The following CUX1 variants were observed in gnomAD, a reference collection of about 807,000 sequenced individuals.
CUX1 encodes protein CASP.
Under a neutral mutation model 158.8 loss-of-function variants are expected in CUX1, and 31 were observed. That is an observed-to-expected ratio of 0.20 (90% CI 0.15 to 0.26). The LOEUF is 0.26. Among genes scored for constraint, CUX1 ranks in the 10% least tolerant of loss-of-function variants. The probability of loss-of-function intolerance (pLI) is 1.00; values close to 1 mark genes in which losing one functional copy is unlikely to be tolerated. For synonymous variants in CUX1, 879 were observed against 862.1 expected, an observed-to-expected ratio of 1.02 and a Z score of -0.34; for missense variants, 1,589 against 2,014.6, an observed-to-expected ratio of 0.79 and a Z score of 4.04.
intron 7 of CUX1, among the ~76,000 whole-genome samples, chr7:102,114,061 A>T (rs903967386): frequency 2.0e-5 from 3 of 152,176 alleles, no homozygotes; most frequent in African/African-American, 7.2e-5. Context: ...ACTTCCAGGT[A>T]TCCTGATGAG....
chr7:102,090,366 C>CA (rs1563227059), intron 4 of CUX1, among the ~76,000 whole-genome samples: 10 of 150,330 alleles, frequency 6.7e-5, no homozygotes, highest in Admixed American at 6.6e-5. Flanking sequence ...TCCATGATAC[C>CA]GTTTTTTTTT....
At chr7:102,232,156 TTTTC>T (rs1315133168) in intron 21 of CUX1, among the ~76,000 whole-genome samples, 1 of 152,120 alleles carries the variant, frequency 6.6e-6, no homozygotes, top group Non-Finnish European at 1.5e-5. Context: ...TTGTTTTGTT[TTTTC>T]TTTTTCTTTT....
intron 20 of CUX1, among the ~76,000 whole-genome samples, chr7:102,210,762 C>G (rs138429310): frequency 1.2e-4 from 18 of 152,312 alleles, no homozygotes; most frequent in African/African-American, 4.3e-4. Flanking sequence ...GAGAAGACAG[C>G]TGCTATGGTC....
chr7:102,236,553 G>C (rs782000141), intron 22 of CUX1, among the ~76,000 whole-genome samples: 1 of 152,204 alleles, frequency 6.6e-6, no homozygotes, highest in Admixed American at 6.5e-5. Context: ...TGGGATTACA[G>C]GCATGAGCCA....
chr7:102,058,119 C>T (rs1353056858), intron 3 of CUX1, among the ~76,000 whole-genome samples: 1 of 152,068 alleles, frequency 6.6e-6, no homozygotes, highest in Non-Finnish European at 1.5e-5. Flanking sequence ...CATATTTTGG[C>T]AATAAAGCAT....
chr7:102,060,506 G>T (rs1325626293), intron 3 of CUX1, among the ~76,000 whole-genome samples: 2 of 150,364 alleles, frequency 1.3e-5, no homozygotes, highest in African/African-American at 4.9e-5. Context: ...GCTCAACAAG[G>T]AGGGAGTTAC....
intron 8 of CUX1, among the ~76,000 whole-genome samples, chr7:102,126,749 G>A (rs767782775): frequency 1.3e-5 from 2 of 152,196 alleles, no homozygotes; most frequent in African/African-American, 4.8e-5. Flanking sequence ...GACCAGTGCA[G>A]TGGGGGGCGC....
rs909128 is a variant in CUX1 at position 102,283,115 on chromosome 7, G to A, written c.*25G>A. 3.3e-3 allele frequency: 5,230 copies of A among 1,597,882 alleles called. 303 individuals carry two copies. The East Asian group carries it at 0.11, about 33-fold the overall frequency. On this transcript the variant is annotated 3_prime_UTR_variant, in exon 23 of 23. Coordinates refer to the CUX1 transcript ENST00000292538. ...ATACCCCGGGGCCTCCCCCGTGACA[G>A]TGACGGCTGCGCCTCCACCCCGACT...
At chr7:102,273,245 C>T in intron 14 of CUX1, 1 of 1,342,060 alleles carries the variant, frequency 7.5e-7, no homozygotes, top group South Asian at 1.4e-5. Flanking sequence ...GAATAGCCAG[C>T]ACTCTCACAG....
chr7:102,150,664 A>G (rs1835548072), intron 8 of CUX1, among the ~76,000 whole-genome samples: 1 of 152,242 alleles, frequency 6.6e-6, no homozygotes, highest in African/African-American at 2.4e-5. Context: ...CTTGCGTGAA[A>G]GTAAATACTA....
chr7:102,227,701 G>T, intron 21 of CUX1, 32 bp downstream of exon 21: 1 of 1,585,428 alleles, frequency 6.3e-7, no homozygotes, highest in East Asian at 2.2e-5. Context: ...TGAGTCAGGA[G>T]GTGGCAGGGA....
chr7:101,842,887 T>TTA (rs1489993306), intron 1 of CUX1, among the ~76,000 whole-genome samples: 62 of 148,798 alleles, frequency 4.2e-4, no homozygotes, highest in Non-Finnish European at 7.6e-4. Flanking sequence ...TTTTTTTTTT[T>TTA]TTTGAGACAG....
chr7:102,281,494 C>T (rs1197017449), intron 20 of CUX1, among the ~76,000 whole-genome samples: 4 of 151,994 alleles, frequency 2.6e-5, no homozygotes, highest in African/African-American at 9.7e-5. Flanking sequence ...GAAACCCTAT[C>T]TCTAGTAAAA....
chr7:102,255,135 T>TGGAGAATAGAA lies in CUX1; in HGVS notation c.*6095_*6096insAGAATAGAAGG, dbSNP rs1563501419. 5.1e-6 allele frequency: 5 copies of TGGAGAATAGAA among 985,220 alleles called. No individual in the cohort carries two copies. The highest frequency in any genetic ancestry group is 6.0e-6 in the Non-Finnish European group (5 of 829,882). The allele number at this position is 985,220 out of a possible 1,614,324, so 61.0% of individuals were successfully genotyped here. A position where few individuals can be genotyped will look rare whatever the true frequency, so the allele number is the denominator to read the frequency against. Reference sequence around the variant, plus strand: ...CGGCGGCCTGTGCTCCTCACCACCCTGGTCAGGGGAATAGAAGGAAATGCA... The same window carrying TGGAGAATAGAA: ...CGGCGGCCTGTGCTCCTCACCACCCTGGAGAATAGAAGGTCAGGGGAATAGAAGGAAATGCA... On this transcript the variant is annotated 3_prime_UTR_variant, in exon 24 of 24. Transcript: ENST00000292535.
chr7:102,225,084 G>A (rs1243114448), intron 20 of CUX1, among the ~76,000 whole-genome samples: 3 of 152,180 alleles, frequency 2.0e-5, no homozygotes, highest in African/African-American at 4.8e-5. Context: ...GTGACCCGGG[G>A]GGTGAGCAGA....
Position 102,255,352 on chromosome 7 carries a change from CTT to C in CUX1, c.*6312_*6313del, listed in dbSNP as rs1281037245. ...CGCCTAGTCTCCTCCAAAATGCTAA[CTT>C]TAAAAGTTGGGCATTGTAGGCGAAA... On this transcript the variant is annotated 3_prime_UTR_variant, in exon 24 of 24. Coordinates refer to ENST00000292535, the MANE Select transcript of CUX1 (RefSeq NM_181552.4). The C allele has an allele frequency of 1.0e-6, 1 of 970,016 alleles. No homozygotes were observed. Among genetic ancestry groups the C allele is most frequent in the Non-Finnish European group, 1.2e-6 (1 of 826,170 alleles). The allele number at this position is 970,016 out of a possible 1,614,324, so 60.1% of individuals were successfully genotyped here. A position where few individuals can be genotyped will look rare whatever the true frequency, so the allele number is the denominator to read the frequency against.
At chr7:102,060,720 C>T (rs1824745126) in intron 3 of CUX1, among the ~76,000 whole-genome samples, 1 of 151,262 alleles carries the variant, frequency 6.6e-6, no homozygotes, top group African/African-American at 2.4e-5. Context: ...TCAAGCAATT[C>T]TCCTGCCTCA....
chr7:102,014,013 G>T (rs371890094), intron 2 of CUX1, among the ~76,000 whole-genome samples: 1 of 152,156 alleles, frequency 6.6e-6, no homozygotes, highest in Admixed American at 6.5e-5. Flanking sequence ...CCTGTTTTTT[G>T]TTTTAATCTG....
intron 8 of CUX1, 129 bp from the exon 9 acceptor site, chr7:102,158,431 T>C: frequency 2.5e-6 from 2 of 787,622 alleles, no homozygotes. Flanking sequence ...CACCTCCTCC[T>C]GCTGGACAGC....
Sources: gnomAD v4.1 joint callset for allele counts (sites outside exome capture counted in the v4.1 genomes callset) on GRCh38, gnomAD v4.1.1 for gene constraint, MANE v1.5 for transcripts, NCBI Gene and HGNC (gene_info 2026-07-23, HGNC 2026-07-21) for gene names.